Variants in ERBB4 observed in about 807,000 individuals in gnomAD.
The protein encoded by ERBB4 is erb-b2 receptor tyrosine kinase 4.
ERBB4 carries 42 observed loss-of-function variants against 158.0 expected under a neutral mutation model. The observed-to-expected ratio is 0.27, with a 90% CI of 0.21 to 0.34. The LOEUF (loss-of-function observed/expected upper bound fraction) is 0.34, where lower values mean the gene tolerates loss of function less well. Ranked by LOEUF, ERBB4 falls within the 10% of genes least tolerant of loss-of-function variation. The pLI is 1.00. For missense variants in ERBB4, 1,333 were observed against 1,624.1 expected (o/e 0.82, Z 3.08); for synonymous variants, 583 against 558.7 (o/e 1.04, Z -0.61).
chr2:211,524,192 T>C (rs137906266), intron 20 of ERBB4, among the ~76,000 whole-genome samples: 13,278 of 152,034 alleles, frequency 0.087, 760 homozygotes, highest in African/African-American at 0.17. Flanking sequence ...ATACAGAGTG[T>C]CGATTGGTGC....
intron 3 of ERBB4, among the ~76,000 whole-genome samples, chr2:211,917,653 T>C (rs1291576309): frequency 6.6e-6 from 1 of 152,044 alleles, no homozygotes; most frequent in Non-Finnish European, 1.5e-5. Context: ...TGCTAAAAAA[T>C]GCTAAAAGTG....
intron 25 of ERBB4, among the ~76,000 whole-genome samples, chr2:211,399,654 G>A (rs2125349934): frequency 6.6e-6 from 1 of 152,282 alleles, no homozygotes; most frequent in East Asian, 1.9e-4. Flanking sequence ...ATTTTTAAAA[G>A]TATTCTTACA....
At chr2:211,944,348 T>C (rs1314448055) in intron 3 of ERBB4, among the ~76,000 whole-genome samples, 1 of 151,108 alleles carries the variant, frequency 6.6e-6, no homozygotes, top group Non-Finnish European at 1.5e-5. Context: ...AATAAAATTT[T>C]GCTTAAGAAG....
chr2:212,190,233 C>G (rs1432618858), intron 1 of ERBB4, among the ~76,000 whole-genome samples: 1 of 152,134 alleles, frequency 6.6e-6, no homozygotes, highest in African/African-American at 2.4e-5. Flanking sequence ...TAGATAATTT[C>G]TATCTTTTAA....
intron 2 of ERBB4, among the ~76,000 whole-genome samples, chr2:211,980,383 T>C (rs2125228493): frequency 6.6e-6 from 1 of 152,270 alleles, no homozygotes; most frequent in South Asian, 2.1e-4. Context: ...ACATAAATGG[T>C]TAAAAAATTT....
At chr2:212,267,344 T>TA (rs373438727) in intron 1 of ERBB4, among the ~76,000 whole-genome samples, 6 of 151,920 alleles carry the variant, frequency 3.9e-5, no homozygotes, top group African/African-American at 1.4e-4. Flanking sequence ...TGCATACTGA[T>TA]ACATAGTGAT....
In ERBB4 at chr2:212,133,380, T is replaced by A. The variant is rs149531669; in HGVS notation, c.83-8477A>T. ...AGGTTCCCATACATTGTGTTCTGCT[T>A]TCTTTTCATTTTGGTGTTTTTTTTT... On this transcript the variant is annotated intron_variant, in intron 1 of 27. Transcript: ENST00000342788. 4.2e-3 allele frequency among the ~76,000 whole-genome samples: 639 copies of A among 151,684 alleles called. 2 individuals are homozygous for A. The highest frequency in any genetic ancestry group is 6.7e-3 in the Non-Finnish European group (453 of 67,910).
intron 2 of ERBB4, among the ~76,000 whole-genome samples, chr2:211,950,390 A>G (rs1463014556): frequency 6.6e-6 from 1 of 152,172 alleles, no homozygotes; most frequent in Non-Finnish European, 1.5e-5. Context: ...GACTGGAGCC[A>G]CTTCTCTCCA....
At chr2:211,646,513 T>C (rs2070785779) in intron 16 of ERBB4, among the ~76,000 whole-genome samples, 1 of 151,566 alleles carries the variant, frequency 6.6e-6, no homozygotes, top group Non-Finnish European at 1.5e-5. Context: ...AAATTTTATT[T>C]GTAAGGGAAT....
At chr2:212,491,304 C>T (rs1690264118) in intron 1 of ERBB4, among the ~76,000 whole-genome samples, 3 of 151,436 alleles carry the variant, frequency 2.0e-5, no homozygotes, top group African/African-American at 7.3e-5. Context: ...ATTTTGTTTC[C>T]TAGACTCACT....
chr2:212,223,389 T>C (rs1176677145), intron 1 of ERBB4, among the ~76,000 whole-genome samples: 2 of 146,132 alleles, frequency 1.4e-5, no homozygotes, highest in Admixed American at 7.0e-5. Context: ...TACCTATATT[T>C]ATATCTTCAT....
chr2:211,386,871 G>T lies in ERBB4; in HGVS notation c.3463C>A (p.Arg1155=). Residue 1155 remains arginine, a synonymous_variant, in exon 27 of 28, where the codon CGA becomes AGA. Coordinates refer to ENST00000342788, the MANE Select transcript of ERBB4 (RefSeq NM_005235.3). ...TTCATACCTTGTTTGGGTTTGTCTCGCATAGGAGTCATGTAACCTTCCTCA... is the reference window on the plus strand; with the variant it reads ...TTCATACCTTGTTTGGGTTTGTCTCTCATAGGAGTCATGTAACCTTCCTCA... The part of the protein sequence containing the change: ...LDEEGYMTPM[R]DKPKQEYLNP... The T allele has an allele frequency of 1.2e-6, 2 of 1,614,086 alleles. No individual in the cohort carries two copies. The highest frequency in any genetic ancestry group is 1.7e-6 in the Non-Finnish European group (2 of 1,179,970).
chr2:211,384,155 C>T (rs551641308), intron 27 of ERBB4, 95 bp from the exon 28 acceptor site: 1 of 834,148 alleles, frequency 1.2e-6, no homozygotes, highest in African/African-American at 1.7e-5. Context: ...TTGTCTAGAA[C>T]AAAAAAACCC....
At chr2:211,525,109 C>A (rs1231733641) in intron 20 of ERBB4, among the ~76,000 whole-genome samples, 1 of 152,124 alleles carries the variant, frequency 6.6e-6, no homozygotes, top group Non-Finnish European at 1.5e-5. Context: ...ATAAAACTTG[C>A]AAGGAAGTCT....
chr2:211,848,920 T>C (rs1026710366), intron 3 of ERBB4, among the ~76,000 whole-genome samples: 2 of 152,118 alleles, frequency 1.3e-5, no homozygotes, highest in Non-Finnish European at 2.9e-5. Flanking sequence ...TCATGGTACA[T>C]AAATTTATTT....
At chr2:211,400,655 A>C (rs2063018767) in intron 25 of ERBB4, among the ~76,000 whole-genome samples, 1 of 151,910 alleles carries the variant, frequency 6.6e-6, no homozygotes, top group South Asian at 2.1e-4. Context: ...GAGTAAGAGG[A>C]AGTGGGGATG....
At chr2:211,469,952 G>A (rs1393960132) in intron 20 of ERBB4, among the ~76,000 whole-genome samples, 1 of 152,030 alleles carries the variant, frequency 6.6e-6, no homozygotes, top group African/African-American at 2.4e-5. Flanking sequence ...ATTATATTAA[G>A]AGAGATACCT....
Position 212,117,395 on chromosome 2 carries a change from T to A in ERBB4, c.234+7357A>T, listed in dbSNP as rs1575657671. 1.3e-5 allele frequency among the ~76,000 whole-genome samples: 2 copies of A among 152,296 alleles called. 1 individual carries two copies. Among genetic ancestry groups the A allele is most frequent in the East Asian group, 3.9e-4 (2 of 5,186 alleles). ...TTCCTTGAATCTAATGATGGCGAAGTCTAGGTATTTCAATGTTGATCTTGT... is the reference window on the plus strand; with the variant it reads ...TTCCTTGAATCTAATGATGGCGAAGACTAGGTATTTCAATGTTGATCTTGT... On this transcript the variant is annotated intron_variant, in intron 2 of 27. Transcript: ENST00000342788.
chr2:211,944,227 A>AC (rs1559155637), intron 3 of ERBB4, among the ~76,000 whole-genome samples: 4,580 of 20,928 alleles, frequency 0.22, 346 homozygotes, highest in Middle Eastern at 0.33. Context: ...CACACACACA[A>AC]AAAAAAAGAA....
Sources: allele counts gnomAD v4.1 joint callset (sites outside exome capture counted in the v4.1 genomes callset), GRCh38; gene constraint gnomAD v4.1.1; transcripts MANE v1.5; gene names NCBI Gene and HGNC (gene_info 2026-07-23, HGNC 2026-07-21).